STK32B: variants seen among roughly 807,000 people sequenced by gnomAD.
STK32B encodes serine/threonine-protein kinase 32B.
In STK32B, 43 loss-of-function variants were observed where a neutral mutation model predicts 52.6. That is an observed-to-expected ratio of 0.82 (90% CI 0.64 to 1.05). STK32B has a LOEUF of 1.05. Among genes scored for constraint, STK32B ranks in the 50% least tolerant of loss-of-function variants. STK32B has a pLI of 0.00. For synonymous variants in STK32B, 238 were observed against 204.3 expected, an observed-to-expected ratio of 1.17 and a Z score of -1.41; for missense variants, 621 against 534.6, an observed-to-expected ratio of 1.16 and a Z score of -1.59.
intron 1 of STK32B, among the ~76,000 whole-genome samples, chr4:5,130,145 G>C (rs10937626): frequency 0.72 from 108,615 of 150,396 alleles, 39,756 homozygotes; most frequent in Non-Finnish European, 0.8. Context: ...ATAGGGTGGT[G>C]AGGGAAGACC....
chr4:5,388,810 C>G (rs1465169224), intron 4 of STK32B, among the ~76,000 whole-genome samples: 1 of 152,132 alleles, frequency 6.6e-6, no homozygotes, highest in African/African-American at 2.4e-5. Context: ...ATTAATTGAC[C>G]CTGGTGCATC....
chr4:5,090,740 C>T (rs1433724606), intron 1 of STK32B, among the ~76,000 whole-genome samples: 3 of 152,090 alleles, frequency 2.0e-5, no homozygotes, highest in Non-Finnish European at 4.4e-5. Context: ...TATGGCTAGC[C>T]ACTTTTCCAA....
chr4:5,243,057 G>A (rs1216542480), intron 3 of STK32B, among the ~76,000 whole-genome samples: 2 of 152,124 alleles, frequency 1.3e-5, no homozygotes, highest in Non-Finnish European at 2.9e-5. Flanking sequence ...ACTTGGTGAT[G>A]CGGGCTCTTT....
intron 3 of STK32B, among the ~76,000 whole-genome samples, chr4:5,271,735 G>T (rs1415568977): frequency 6.9e-6 from 1 of 145,264 alleles, no homozygotes; most frequent in African/African-American, 2.8e-5. Flanking sequence ...TTGTAAGTTG[G>T]ATTCCTAAGT....
At position 5,453,803 on chromosome 4, in the gene STK32B, A is replaced by T. The variant is rs1331206804; in HGVS notation, c.667-3004A>T. Among the ~76,000 whole-genome samples, 1 of 152,002 alleles carries T rather than the reference A, an allele frequency of 6.6e-6. No homozygotes were observed. ...GCCTGTAATCCCAGCTACTTGGGAGACTGAGGCAGGAGAATCGCTTGAACC... is the reference window on the plus strand; with the variant it reads ...GCCTGTAATCCCAGCTACTTGGGAGTCTGAGGCAGGAGAATCGCTTGAACC... On this transcript the variant is annotated intron_variant, in intron 7 of 11. Coordinates refer to ENST00000282908, the MANE Select transcript of STK32B (RefSeq NM_018401.3). The surrounding 1 kb of genome is among the most constrained non-coding windows in gnomAD (Gnocchi z 4.0).
At chr4:5,204,938 T>C (rs1722451687) in intron 3 of STK32B, among the ~76,000 whole-genome samples, 2 of 152,180 alleles carry the variant, frequency 1.3e-5, no homozygotes, top group South Asian at 4.1e-4. Context: ...CAAAATCATT[T>C]CTGGGTGTGT....
At chr4:5,312,883 T>A (rs1253837233) in intron 3 of STK32B, among the ~76,000 whole-genome samples, 2 of 152,212 alleles carry the variant, frequency 1.3e-5, no homozygotes, top group Non-Finnish European at 2.9e-5. Context: ...CAATGGATGG[T>A]TGAACTAGTT....
At chr4:5,353,647 A>G (rs937601128) in intron 4 of STK32B, among the ~76,000 whole-genome samples, 2 of 152,202 alleles carry the variant, frequency 1.3e-5, no homozygotes, top group Non-Finnish European at 2.9e-5. Context: ...ACTGCTCAAC[A>G]TCACTAATCA....
At chr4:5,322,020 AAGTG>A (rs869297313) in intron 3 of STK32B, among the ~76,000 whole-genome samples, 1 of 122,428 alleles carries the variant, frequency 8.2e-6, no homozygotes, top group African/African-American at 3.5e-5. Flanking sequence ...AAAAAAAAAA[AAGTG>A]GTGGGAGTGG....
At chr4:5,084,332 T>G (rs1343453486) in intron 1 of STK32B, among the ~76,000 whole-genome samples, 1 of 152,236 alleles carries the variant, frequency 6.6e-6, no homozygotes, top group East Asian at 1.9e-4. Context: ...TCTGCCAAAC[T>G]TCTGTATTAC....
At chr4:5,097,651 A>G (rs1713475898) in intron 1 of STK32B, among the ~76,000 whole-genome samples, 1 of 152,182 alleles carries the variant, frequency 6.6e-6, no homozygotes, top group Non-Finnish European at 1.5e-5. Flanking sequence ...GGGTGACTCC[A>G]ATCAGACTCT....
chr4:5,265,401 C>G (rs1726994776), intron 3 of STK32B, among the ~76,000 whole-genome samples: 1 of 152,166 alleles, frequency 6.6e-6, no homozygotes. Flanking sequence ...AAATGTGATG[C>G]CCACATGGAA....
chr4:5,183,286 T>C (rs1720495066), intron 3 of STK32B, among the ~76,000 whole-genome samples: 1 of 152,156 alleles, frequency 6.6e-6, no homozygotes, highest in Non-Finnish European at 1.5e-5. Context: ...AAGACCAGCC[T>C]GACCAGCATG....
chr4:5,140,210 G>A (rs764391198), intron 2 of STK32B: 116 of 1,487,932 alleles, frequency 7.8e-5, no homozygotes, highest in Non-Finnish European at 9.3e-5. Context: ...TGCCAATGCC[G>A]TTTGTTCCTT....
At chr4:5,328,516 C>T (rs1156963995) in intron 3 of STK32B, among the ~76,000 whole-genome samples, 1 of 152,184 alleles carries the variant, frequency 6.6e-6, no homozygotes, top group Non-Finnish European at 1.5e-5. Flanking sequence ...AGATGGGAAA[C>T]TACTGGTCAG....
intron 2 of STK32B, chr4:5,140,381 T>G: frequency 9.3e-7 from 1 of 1,080,252 alleles, no homozygotes; most frequent in South Asian, 2.0e-5. Context: ...GGCAGGAGTT[T>G]TTAGAAAACA....
At chr4:5,367,555 A>G (rs1417485360) in intron 4 of STK32B, among the ~76,000 whole-genome samples, 1 of 152,108 alleles carries the variant, frequency 6.6e-6, no homozygotes, top group Non-Finnish European at 1.5e-5. Context: ...AGGCCAGCAG[A>G]CTCAACTGCC....
At chr4:5,486,139 C>T (rs912318388) in intron 11 of STK32B, among the ~76,000 whole-genome samples, 15 of 152,194 alleles carry the variant, frequency 9.9e-5, no homozygotes, top group African/African-American at 3.1e-4. Context: ...TTTAAGTCTG[C>T]AGAGGATTCT....
intron 4 of STK32B, among the ~76,000 whole-genome samples, chr4:5,390,306 G>A (rs76879795): frequency 0.024 from 3,621 of 152,260 alleles, 111 homozygotes; most frequent in East Asian, 0.082. Context: ...AGCCATCCCA[G>A]TTATAATGGG....
Sources: allele counts gnomAD v4.1 joint callset (sites outside exome capture counted in the v4.1 genomes callset), GRCh38; gene constraint gnomAD v4.1.1; non-coding constraint Gnocchi (gnomAD v3.1); transcripts MANE v1.5; gene names NCBI Gene and HGNC (gene_info 2026-07-23, HGNC 2026-07-21).